Variants in ZNF248 observed in about 807,000 individuals in gnomAD.
The protein encoded by ZNF248 is KRAB protein domain.
In ZNF248, 20 loss-of-function variants were observed where a neutral mutation model predicts 44.3. That is an observed-to-expected ratio of 0.45 (90% CI 0.32 to 0.66). The LOEUF is 0.66. Among genes scored for constraint, ZNF248 ranks in the 30% least tolerant of loss-of-function variants. The pLI is 0.04. For missense variants in ZNF248, 654 were observed against 677.0 expected, an observed-to-expected ratio of 0.97 and a Z score of 0.38; for synonymous variants, 224 against 229.0, an observed-to-expected ratio of 0.98 and a Z score of 0.20.
chr10:37,794,742 T>C (rs558410171), intron 6 of ZNF248: 9 of 162,686 alleles, frequency 5.5e-5, no homozygotes, highest in Middle Eastern at 1.9e-3. Flanking sequence ...AGTACATTCA[T>C]AAGGTTTCTC....
At chr10:37,768,341 C>G in the ZNF248 span, among the ~76,000 whole-genome samples, 1 of 152,016 alleles carries the variant, frequency 6.6e-6, no homozygotes, top group Non-Finnish European at 1.5e-5. Flanking sequence ...CAGCACCACA[C>G]CTATTCCAAA....
the ZNF248 span, among the ~76,000 whole-genome samples, chr10:37,767,319 T>C: frequency 1.3e-5 from 2 of 152,036 alleles, no homozygotes; most frequent in African/African-American, 2.4e-5. Flanking sequence ...AGACACATAA[T>C]TGTCAGATTC....
chr10:37,766,463 T>C, the ZNF248 span, among the ~76,000 whole-genome samples: 1 of 152,172 alleles, frequency 6.6e-6, no homozygotes, highest in Non-Finnish European at 1.5e-5. Context: ...GATCCGCTGT[T>C]CTACAGCCAC....
At chr10:37,780,617 G>T (rs548779330) in intron 6 of ZNF248, among the ~76,000 whole-genome samples, 1 of 152,202 alleles carries the variant, frequency 6.6e-6, no homozygotes, top group Non-Finnish European at 1.5e-5. Flanking sequence ...ATCCTCTGGC[G>T]TAGGGACTAA....
At chr10:37,818,017 G>A (rs562927449) in intron 6 of ZNF248, among the ~76,000 whole-genome samples, 1 of 152,184 alleles carries the variant, frequency 6.6e-6, no homozygotes, top group African/African-American at 2.4e-5. Context: ...TCGGGTTCAC[G>A]ACATTCTCCT....
chr10:37,837,656 A>G lies in ZNF248; in HGVS notation c.199T>C (p.Trp67Arg). 6.2e-7 allele frequency: 1 copy of G among 1,614,098 alleles called. No individual in the cohort carries two copies. The highest frequency in any genetic ancestry group is 2.2e-5 in the East Asian group (1 of 44,870). Residue 67 changes from tryptophan (W) to arginine (R), a missense_variant, in exon 5 of 6, where the codon TGG becomes CGG. Transcript: ENST00000395867. ...IFKIEQGEEPWILEKGFPSQC... is the reference protein window; with the variant it reads ...IFKIEQGEEPRILEKGFPSQC... ...CTTGGGAATCCTTTTTCTAATATCCAGGGCTCTTCTCCTTGCTCGATCTTA... is the reference window on the plus strand; with the variant it reads ...CTTGGGAATCCTTTTTCTAATATCCGGGGCTCTTCTCCTTGCTCGATCTTA...
At chr10:37,771,326 T>G in the ZNF248 span, among the ~76,000 whole-genome samples, 5 of 152,164 alleles carry the variant, frequency 3.3e-5, no homozygotes, top group Non-Finnish European at 7.3e-5. Context: ...TGCACACGTA[T>G]GTTTATTGCA....
chr10:37,766,486 G>A, the ZNF248 span, among the ~76,000 whole-genome samples: 2 of 152,306 alleles, frequency 1.3e-5, no homozygotes, highest in Admixed American at 1.3e-4. Flanking sequence ...CTGTTCTGCA[G>A]CCACCACTGC....
At chr10:37,856,993 C>T (rs559992266) in intron 1 of ZNF248, 192 bp downstream of exon 1, 2 of 152,554 alleles carry the variant, frequency 1.3e-5, no homozygotes, top group East Asian at 3.9e-4. Context: ...ACTGCACTAC[C>T]ATCCGGCGGG....
At chr10:37,766,531 C>A in the ZNF248 span, among the ~76,000 whole-genome samples, 10 of 152,202 alleles carry the variant, frequency 6.6e-5, no homozygotes, top group African/African-American at 1.7e-4. Flanking sequence ...GAGTGGACCT[C>A]TAGCAAACTC....
At chr10:37,793,640 G>T (rs2048815889) in intron 6 of ZNF248, among the ~76,000 whole-genome samples, 1 of 152,088 alleles carries the variant, frequency 6.6e-6, no homozygotes, top group Non-Finnish European at 1.5e-5. Context: ...ACTTATTCTG[G>T]AATCACATAT....
chr10:37,791,224 AG>A (rs1298847441), intron 6 of ZNF248, among the ~76,000 whole-genome samples: 1 of 151,246 alleles, frequency 6.6e-6, no homozygotes, highest in East Asian at 2.0e-4. Context: ...TTGTATTTTT[AG>A]TAGAGACGGG....
Position 37,806,386 on chromosome 10 carries a change from C to G in ZNF248, c.330+26639G>C, listed in dbSNP as rs551379704. Among the ~76,000 whole-genome samples, 29 of 152,200 alleles carry G rather than the reference C, an allele frequency of 1.9e-4. No individual in the cohort carries two copies. The South Asian group carries it at 6.0e-3, about 32-fold the overall frequency. On this transcript the variant is annotated intron_variant, in intron 6 of 6. Transcript: ENST00000615949. Reference sequence around the variant, plus strand: ...CAACTACACTTGATATTTTTTCTTTCCATCTCCTTTCTTTCTCCCTCCCTT... The same window carrying G: ...CAACTACACTTGATATTTTTTCTTTGCATCTCCTTTCTTTCTCCCTCCCTT...
downstream of ZNF248, among the ~76,000 whole-genome samples, chr10:37,826,885 T>G (rs1589546820): frequency 6.6e-6 from 1 of 152,194 alleles, no homozygotes; most frequent in Non-Finnish European, 1.5e-5. Flanking sequence ...CTCCAGTGTA[T>G]TATAAATTCT....
downstream of ZNF248, among the ~76,000 whole-genome samples, chr10:37,828,473 G>A (rs2054764752): frequency 6.6e-6 from 1 of 152,086 alleles, no homozygotes; most frequent in Non-Finnish European, 1.5e-5. Flanking sequence ...AAACTCTCTG[G>A]TCTACAGTGA....
Position 37,837,727 on chromosome 10 carries a change from T to C in ZNF248, c.143-15A>G. 6.2e-7 allele frequency: 1 copy of C among 1,611,162 alleles called. No individual in the cohort carries two copies. Among genetic ancestry groups the C allele is most frequent in the Non-Finnish European group, 8.5e-7 (1 of 1,177,948 alleles). On this transcript the variant is annotated splice_polypyrimidine_tract_variant and intron_variant, in intron 4 of 5. Coordinates refer to ENST00000395867, the MANE Select transcript of ZNF248 (RefSeq NM_021045.3). ...AATGCAATACCCTGTTAAGAGAAAA[T>C]ACCACAGGACTAGAGCTAAATAGCT...
At chr10:37,770,502 A>C in the ZNF248 span, among the ~76,000 whole-genome samples, 12 of 152,220 alleles carry the variant, frequency 7.9e-5, no homozygotes, top group African/African-American at 2.9e-4. Flanking sequence ...GACAAACCTG[A>C]GAAAAACAAG....
At chr10:37,854,409 C>T (rs1242102677) in intron 3 of ZNF248, among the ~76,000 whole-genome samples, 1 of 152,064 alleles carries the variant, frequency 6.6e-6, no homozygotes, top group East Asian at 1.9e-4. Flanking sequence ...GAAAAATAGG[C>T]AAAAGATACT....
At chr10:37,790,270 CAAAA>C (rs35082361) in intron 6 of ZNF248, among the ~76,000 whole-genome samples, 3 of 90,994 alleles carry the variant, frequency 3.3e-5, no homozygotes, top group Admixed American at 1.2e-4. Flanking sequence ...GACTCTGTGT[CAAAA>C]AAAAAAAAAA....
Sources: allele counts gnomAD v4.1 joint callset (sites outside exome capture counted in the v4.1 genomes callset), GRCh38; gene constraint gnomAD v4.1.1; transcripts MANE v1.5; gene names NCBI Gene and HGNC (gene_info 2026-07-23, HGNC 2026-07-21).